PCDHGA2: variants seen among roughly 807,000 people sequenced by gnomAD.
PCDHGA2 encodes protocadherin gamma-A2.
Under a neutral mutation model 59.2 loss-of-function variants are expected in PCDHGA2, and 40 were observed. The observed-to-expected ratio is 0.68, with a 90% CI of 0.52 to 0.88. PCDHGA2 has a LOEUF of 0.88. Ranked by LOEUF, PCDHGA2 falls within the 40% of genes least tolerant of loss-of-function variation. The pLI is 0.00. For missense variants in PCDHGA2, 1,226 were observed against 1,204.0 expected (o/e 1.02, Z -0.27); for synonymous variants, 560 against 526.0 (o/e 1.06, Z -0.89).
At chr5:141,382,770 C>T in intron 1 of PCDHGA2, 7 of 734,404 alleles carry the variant, frequency 9.5e-6, no homozygotes, top group Non-Finnish European at 1.5e-5. Context: ...TTCCAGGCTG[C>T]ACTAAACTCA....
intron 1 of PCDHGA2, chr5:141,374,799 C>T (rs1177554784): frequency 3.1e-6 from 5 of 1,613,978 alleles, no homozygotes; most frequent in African/African-American, 2.7e-5. Flanking sequence ...AATGACAACA[C>T]TCCAATGTTT....
chr5:141,374,154 G>C (rs376984494), intron 1 of PCDHGA2: 38 of 1,611,790 alleles, frequency 2.4e-5, no homozygotes, highest in Admixed American at 8.4e-5. Flanking sequence ...GGGACGCTGT[G>C]GGGGGCCGCG....
In PCDHGA2 at chr5:141,487,765, GC is replaced by G. The variant is rs2099665397; in HGVS notation, c.2425-7041del. The G allele has an allele frequency of 6.5e-7, 1 of 1,541,774 alleles. No individual in the cohort carries two copies. Among genetic ancestry groups the G allele is most frequent in the South Asian group, 1.2e-5 (1 of 83,146 alleles). On this transcript the variant is annotated intron_variant, in intron 1 of 3. Transcript: ENST00000394576. This position sits in a 1 kb window ranked among gnomAD's most constrained non-coding sequence, Gnocchi z 5.0. ...GAGGTAACTATGTGGTAGACGCTGT[GC>G]TTTGTAACTGTTTCGTGAATTAACC...
intron 1 of PCDHGA2, chr5:141,414,330 G>T: frequency 6.2e-7 from 1 of 1,613,714 alleles, no homozygotes; most frequent in Non-Finnish European, 8.5e-7. Flanking sequence ...AGAATGGACA[G>T]GTAACCTGTT....
At chr5:141,408,643 C>T (rs751905674) in intron 1 of PCDHGA2, 3 of 1,613,910 alleles carry the variant, frequency 1.9e-6, no homozygotes, top group Non-Finnish European at 1.7e-6. Context: ...AATCTGCATC[C>T]GCTGGTACAC....
intron 1 of PCDHGA2, chr5:141,371,697 A>T (rs1002155350): frequency 6.2e-7 from 1 of 1,613,958 alleles, no homozygotes; most frequent in African/African-American, 1.3e-5. Context: ...GCTCTCCTCC[A>T]GCAAGACCAT....
chr5:141,390,404 G>T, intron 1 of PCDHGA2: 1 of 1,262,098 alleles, frequency 7.9e-7, no homozygotes. Flanking sequence ...TTTTAGGAAA[G>T]TTGTAGTCAG....
At chr5:141,384,518 C>T (rs1479729851) in intron 1 of PCDHGA2, 7 of 1,614,192 alleles carry the variant, frequency 4.3e-6, no homozygotes, top group East Asian at 4.5e-5. Flanking sequence ...AGCGGGGACC[C>T]GCCTCTCAGC....
intron 1 of PCDHGA2, chr5:141,384,444 C>G (rs751427123): frequency 1.9e-6 from 3 of 1,613,906 alleles, no homozygotes; most frequent in Non-Finnish European, 2.5e-6. Context: ...GAGTCCTGTA[C>G]GCGCTGCAAT....
intron 1 of PCDHGA2, chr5:141,366,251 A>T: frequency 6.2e-7 from 1 of 1,613,620 alleles, no homozygotes; most frequent in East Asian, 2.2e-5. Flanking sequence ...GCTCAAGCAG[A>T]GCCTCGTGGT....
rs773899530 is a variant in PCDHGA2 at position 141,494,864 on chromosome 5, G to C, written c.2482G>C (p.Gly828Arg). ...FSQAQRPGTS[G>R]SQNGDDTGTW... ...TCAGGCCCAGAGACCCGGCACCAGCGGGTAGGTGACTGATTCTCCAGCCCA... is the reference window on the plus strand; with the variant it reads ...TCAGGCCCAGAGACCCGGCACCAGCCGGTAGGTGACTGATTCTCCAGCCCA... The change falls in exon 2 of 4, where the codon GGC becomes CGC. Residue 828 changes from glycine (G) to arginine (R), a missense_variant and splice_region_variant. Transcript: ENST00000394576. The C allele has an allele frequency of 1.2e-6, 2 of 1,614,068 alleles. No individual in the cohort carries two copies. Among genetic ancestry groups the C allele is most frequent in the Middle Eastern group, 1.6e-4 (1 of 6,062 alleles).
intron 1 of PCDHGA2, chr5:141,427,985 C>T (rs747784722): frequency 3.1e-6 from 5 of 1,597,522 alleles, no homozygotes; most frequent in African/African-American, 2.7e-5. Context: ...CGCTGGGGCC[C>T]GATGGCTCCG....
At chr5:141,411,890 G>T (rs2095521758) in intron 1 of PCDHGA2, 1 of 152,148 alleles carries the variant, frequency 6.6e-6, no homozygotes, top group South Asian at 2.1e-4. Context: ...AGAAATAAAT[G>T]AAATACTATT....
intron 1 of PCDHGA2, chr5:141,355,314 G>C: frequency 6.2e-7 from 1 of 1,613,954 alleles, no homozygotes; most frequent in Non-Finnish European, 8.5e-7. Context: ...TGTTTGAGGA[G>C]CAGGAAGAAG....
In PCDHGA2 at chr5:141,432,601, G is replaced by A. The variant is rs1313279772; in HGVS notation, c.2425-62206G>A. The A allele has an allele frequency of 5.6e-6, 9 of 1,613,950 alleles. No homozygotes were observed. Among genetic ancestry groups the A allele is most frequent in the Admixed American group, 1.7e-5 (1 of 60,030 alleles). On this transcript the variant is annotated intron_variant, in intron 1 of 3. Transcript: ENST00000394576. The surrounding 1 kb of genome is among the most constrained non-coding windows in gnomAD (Gnocchi z 6.0). ...ACCGTCTGCTCAAGGCCAGCGAGCC[G>A]GGACTCTTCTCGGTGGGTCTGCACA...
At chr5:141,355,744 G>T in intron 1 of PCDHGA2, 2 of 1,613,960 alleles carry the variant, frequency 1.2e-6, no homozygotes, top group South Asian at 1.1e-5. Context: ...TTCCCTGGAC[G>T]TGCAAAGTGG....
At chr5:141,441,298 T>C (rs1289976355) in intron 1 of PCDHGA2, 1 of 152,150 alleles carries the variant, frequency 6.6e-6, no homozygotes, top group Non-Finnish European at 1.5e-5. Flanking sequence ...ATGTCTGATA[T>C]AAGAAAATGC....
chr5:141,377,257 C>CT (rs1361180220), intron 1 of PCDHGA2: 1 of 147,998 alleles, frequency 6.8e-6, no homozygotes, highest in Non-Finnish European at 1.5e-5. Context: ...AAGGTTCTTT[C>CT]TTTTTCTAAT....
intron 1 of PCDHGA2, among the ~76,000 whole-genome samples, chr5:141,407,609 TG>T (rs2094960291): frequency 1.3e-5 from 2 of 152,162 alleles, no homozygotes; most frequent in Admixed American, 1.3e-4. Flanking sequence ...AAAGAAGCAT[TG>T]GTTGACATTC....
Sources: allele counts gnomAD v4.1 joint callset (sites outside exome capture counted in the v4.1 genomes callset), GRCh38; gene constraint gnomAD v4.1.1; non-coding constraint Gnocchi (gnomAD v3.1); transcripts MANE v1.5; gene names NCBI Gene and HGNC (gene_info 2026-07-23, HGNC 2026-07-21).